The following AOPEP variants were observed in gnomAD, a reference collection of about 807,000 sequenced individuals.
The protein encoded by AOPEP is aminopeptidase O.
AOPEP carries 77 observed loss-of-function variants against 98.1 expected under a neutral mutation model. The ratio of observed to expected loss-of-function variants is 0.78; its 90% CI spans 0.65 to 0.95. The LOEUF (loss-of-function observed/expected upper bound fraction) is 0.95, where lower values mean the gene tolerates loss of function less well. AOPEP is among the 40% of genes least tolerant of loss of function. The probability of loss-of-function intolerance (pLI) is 0.00; values close to 1 mark genes in which losing one functional copy is unlikely to be tolerated. For missense variants in AOPEP, 1,024 were observed against 1,024.7 expected (o/e 1.00, Z 0.01); for synonymous variants, 346 against 365.3 (o/e 0.95, Z 0.60).
intron 5 of AOPEP, among the ~76,000 whole-genome samples, chr9:94,906,630 T>C (rs1294959078): frequency 6.6e-6 from 1 of 152,172 alleles, no homozygotes; most frequent in African/African-American, 2.4e-5. Flanking sequence ...ATTGTGCCAC[T>C]GCACTCCAAT....
the AOPEP span, among the ~76,000 whole-genome samples, chr9:95,096,255 G>A: frequency 5.9e-5 from 9 of 152,186 alleles, no homozygotes; most frequent in Admixed American, 5.9e-4. Flanking sequence ...TTACTCGGCG[G>A]GAGATGATGT....
chr9:95,086,883 T>G lies in AOPEP; in HGVS notation c.*206T>G. 1.0e-6 allele frequency: 1 copy of G among 987,832 alleles called. No homozygotes were observed. The highest frequency in any genetic ancestry group is 1.2e-6 in the Non-Finnish European group (1 of 830,072). The allele number at this position is 987,832 out of a possible 1,614,324, so 61.2% of individuals were successfully genotyped here. On this transcript the variant is annotated 3_prime_UTR_variant, in exon 17 of 17. Transcript: ENST00000375315. ...AAGGCAGATTCTCGTAAACGCAGCC[T>G]CCCTCCCTGGAGGCTGCCTCCTGCC...
At chr9:94,780,951 C>G (rs569164976) in intron 3 of AOPEP, among the ~76,000 whole-genome samples, 1 of 152,294 alleles carries the variant, frequency 6.6e-6, no homozygotes, top group Admixed American at 6.5e-5. Flanking sequence ...GGGCAGGGAA[C>G]AGAAATCAGA....
At chr9:94,845,760 G>T (rs150699601) in intron 5 of AOPEP, among the ~76,000 whole-genome samples, 1 of 152,190 alleles carries the variant, frequency 6.6e-6, no homozygotes, top group Non-Finnish European at 1.5e-5. Context: ...GGCAGGGGAA[G>T]AATAAGGTTG....
chr9:94,867,576 C>T (rs1486395137), intron 5 of AOPEP, among the ~76,000 whole-genome samples: 2 of 152,198 alleles, frequency 1.3e-5, no homozygotes, highest in Non-Finnish European at 2.9e-5. Context: ...ACCTCATACA[C>T]TGAAGAGTAG....
rs372427264 is a variant in AOPEP, at chr9:95,051,129, G to A, written c.2116-9565G>A. ...TTTTGAGACGGAGTCTCGCTCTGTC[G>A]CCCAGGCTGAAGTGCAATGGCGTGA... On this transcript the variant is annotated intron_variant, in intron 13 of 16. Coordinates refer to ENST00000375315, the MANE Select transcript of AOPEP (RefSeq NM_001193329.3). Among the ~76,000 whole-genome samples, 26 of 136,460 alleles carry A rather than the reference G, an allele frequency of 1.9e-4. No individual in the cohort carries two copies. The East Asian group carries it at 2.8e-3, about 15-fold the overall frequency. The allele number at this position is 136,460 out of a possible 152,430, so 89.5% of individuals were successfully genotyped here.
intron 5 of AOPEP, among the ~76,000 whole-genome samples, chr9:94,874,540 G>T (rs2046702586): frequency 6.6e-6 from 1 of 152,164 alleles, no homozygotes; most frequent in Non-Finnish European, 1.5e-5. Context: ...TGGTTTCAAA[G>T]AACTCACTGT....
chr9:95,126,671 T>C, the AOPEP span: 1 of 1,341,334 alleles, frequency 7.5e-7, no homozygotes, highest in Non-Finnish European at 1.1e-6. Flanking sequence ...TACTGGGAAC[T>C]GCTGATGTCC....
intron 7 of AOPEP, among the ~76,000 whole-genome samples, chr9:94,945,106 G>C (rs1457737131): frequency 6.6e-6 from 1 of 152,124 alleles, no homozygotes; most frequent in African/African-American, 2.4e-5. Context: ...ATGGATGGAA[G>C]ACATCTCCAT....
intron 14 of AOPEP, among the ~76,000 whole-genome samples, chr9:95,070,092 G>A (rs889246074): frequency 6.6e-6 from 1 of 152,220 alleles, no homozygotes; most frequent in Non-Finnish European, 1.5e-5. Context: ...CACAGTGAAA[G>A]GTTCTTTTCC....
At chr9:95,064,981 G>A (rs908883431) in intron 14 of AOPEP, among the ~76,000 whole-genome samples, 4 of 152,158 alleles carry the variant, frequency 2.6e-5, no homozygotes, top group Admixed American at 6.5e-5. Context: ...GATGACTTTC[G>A]TCTTCTGCTT....
At chr9:95,135,605 TCTC>T in the AOPEP span, 2 of 942,482 alleles carry the variant, frequency 2.1e-6, no homozygotes, top group Non-Finnish European at 3.3e-6. Flanking sequence ...TTGTGAGACT[TCTC>T]ATCATGGTCA....
intron 2 of AOPEP, 155 bp downstream of exon 2, chr9:94,760,735 T>TAA: frequency 1.8e-6 from 1 of 551,936 alleles, no homozygotes; most frequent in Admixed American, 3.7e-5. Flanking sequence ...GTGAAGCAGG[T>TAA]AAATTCCCAG....
At chr9:94,901,815 T>C (rs6479582) in intron 5 of AOPEP, among the ~76,000 whole-genome samples, 144,719 of 152,038 alleles carry the variant, frequency 0.95, 68,893 homozygotes, top group Middle Eastern at 0.99. Flanking sequence ...GTGGAGCACA[T>C]CTGTAATCTT....
At chr9:94,811,960 T>C (rs1166292878) in intron 5 of AOPEP, among the ~76,000 whole-genome samples, 2 of 152,346 alleles carry the variant, frequency 1.3e-5, no homozygotes, top group South Asian at 2.1e-4. Flanking sequence ...ATTGGATTCA[T>C]CCTCCTGCCT....
rs1846046398 is a variant in AOPEP at position 94,792,940 on chromosome 9, G to T, written c.1118+22G>T. The T allele has an allele frequency of 1.9e-6, 3 of 1,558,166 alleles. No homozygotes were observed. In the African/African-American group the frequency reaches 4.3e-5, roughly 22 times the overall value. ...TCAGGTTTGTGTTTGGGGACTTGCTGGGAAGGAAAAAAAAAAAAACACTTG... is the reference window on the plus strand; with the variant it reads ...TCAGGTTTGTGTTTGGGGACTTGCTTGGAAGGAAAAAAAAAAAAACACTTG... On this transcript the variant is annotated intron_variant, in intron 4 of 16. Transcript: ENST00000375315.
chr9:94,812,699 A>G (rs1202327917), intron 5 of AOPEP, among the ~76,000 whole-genome samples: 4 of 152,090 alleles, frequency 2.6e-5, no homozygotes, highest in Admixed American at 2.0e-4. Context: ...TGCCCTTCCT[A>G]TGGGTCTCTG....
intron 3 of AOPEP, among the ~76,000 whole-genome samples, chr9:94,776,475 G>A (rs144637217): frequency 1.2e-3 from 178 of 152,240 alleles, no homozygotes; most frequent in South Asian, 2.5e-3. Flanking sequence ...CTAATGTTTT[G>A]TATTTTAGTA....
At chr9:94,983,969 G>C (rs185073428) in intron 11 of AOPEP, among the ~76,000 whole-genome samples, 2 of 151,138 alleles carry the variant, frequency 1.3e-5, no homozygotes, top group East Asian at 3.9e-4. Flanking sequence ...GGAGCTCACC[G>C]TCCAATGCAC....
Sources: allele counts gnomAD v4.1 joint callset (sites outside exome capture counted in the v4.1 genomes callset), GRCh38; gene constraint gnomAD v4.1.1; transcripts MANE v1.5; gene names NCBI Gene and HGNC (gene_info 2026-07-23, HGNC 2026-07-21).